Variants in CNTNAP3B observed in about 807,000 individuals in gnomAD.
CNTNAP3B encodes the protein contactin-associated protein-like 3B.
A neutral mutation model predicts 108.9 loss-of-function variants in CNTNAP3B; 25 were observed. The observed-to-expected ratio is 0.23, with a 90% CI of 0.17 to 0.32. The LOEUF is 0.32. CNTNAP3B is among the 10% of genes least tolerant of loss of function. The pLI is 1.00. For synonymous variants in CNTNAP3B, 103 were observed against 473.4 expected (o/e 0.22, Z 10.16); for missense variants, 252 against 1,210.4 (o/e 0.21, Z 11.75).
intron 13 of CNTNAP3B, among the ~76,000 whole-genome samples, chr9:41,940,066 C>G (rs1210634041): frequency 6.6e-6 from 1 of 152,294 alleles, no homozygotes; most frequent in Non-Finnish European, 1.5e-5. Context: ...TAGGCTTTAT[C>G]TAACCTGACC....
intron 3 of CNTNAP3B, among the ~76,000 whole-genome samples, chr9:42,064,691 T>G (rs1039157268): frequency 1.5e-5 from 2 of 129,724 alleles, no homozygotes; most frequent in Non-Finnish European, 3.2e-5. Context: ...TACTTACAAG[T>G]GCAAACATGC....
chr9:41,952,454 G>A (rs1267808852), intron 13 of CNTNAP3B, among the ~76,000 whole-genome samples: 2 of 152,206 alleles, frequency 1.3e-5, no homozygotes, highest in Non-Finnish European at 2.9e-5. Flanking sequence ...ACTATAATTA[G>A]CAATAAAGTG....
intron 2 of CNTNAP3B, among the ~76,000 whole-genome samples, chr9:42,090,001 AG>A (rs2118663636): frequency 7.2e-6 from 1 of 139,174 alleles, no homozygotes; most frequent in Admixed American, 7.2e-5. Flanking sequence ...ACAGAAAAAG[AG>A]GGCAAAATAC....
At chr9:41,923,144 GTACCCATAGCTGGAC>G (rs1437483643) in intron 16 of CNTNAP3B, among the ~76,000 whole-genome samples, 1 of 133,818 alleles carries the variant, frequency 7.5e-6, no homozygotes, top group Non-Finnish European at 1.6e-5. Flanking sequence ...GTAGAGATAT[GTACCCATAGCTGGAC>G]TACCCATAGC....
At chr9:41,935,515 T>G (rs994749591) in intron 14 of CNTNAP3B, among the ~76,000 whole-genome samples, 1 of 152,294 alleles carries the variant, frequency 6.6e-6, no homozygotes, top group Non-Finnish European at 1.5e-5. Context: ...ATTATTACAA[T>G]TATAAATCTT....
At chr9:42,078,487 A>T (rs1262636810) in intron 2 of CNTNAP3B, among the ~76,000 whole-genome samples, 5 of 138,814 alleles carry the variant, frequency 3.6e-5, no homozygotes, top group African/African-American at 1.4e-4. Flanking sequence ...ATATATATAA[A>T]TATAATTTTT....
chr9:42,002,929 C>T, intron 4 of CNTNAP3B, among the ~76,000 whole-genome samples: 1 of 127,964 alleles, frequency 7.8e-6, no homozygotes, highest in Non-Finnish European at 1.6e-5. Flanking sequence ...CTCCGTTGCC[C>T]ATGCTGTAGT....
chr9:41,962,289 G>T (rs1825122357), intron 11 of CNTNAP3B, among the ~76,000 whole-genome samples: 1 of 152,270 alleles, frequency 6.6e-6, no homozygotes, highest in African/African-American at 2.4e-5. Context: ...CACAGTGAAT[G>T]ACTGTGGGCT....
intron 7 of CNTNAP3B, chr9:41,994,042 C>T: frequency 7.2e-6 from 1 of 139,678 alleles, no homozygotes; most frequent in Non-Finnish European, 1.5e-5. Context: ...ATCAGCGAAC[C>T]CATCAGTAAT....
chr9:42,020,631 T>C (rs1826295210), intron 3 of CNTNAP3B, among the ~76,000 whole-genome samples: 1 of 148,774 alleles, frequency 6.7e-6, no homozygotes, highest in Non-Finnish European at 1.5e-5. Flanking sequence ...GGAGAATAAA[T>C]GTCTGCTGTG....
At chr9:41,920,968 G>A (rs1235865045) in intron 17 of CNTNAP3B, among the ~76,000 whole-genome samples, 1 of 152,300 alleles carries the variant, frequency 6.6e-6, no homozygotes, top group Non-Finnish European at 1.5e-5. Context: ...ACCATTTAGA[G>A]AGGTTTACAA....
intron 2 of CNTNAP3B, among the ~76,000 whole-genome samples, chr9:42,103,367 T>C (rs1277963555): frequency 1.4e-5 from 2 of 142,808 alleles, no homozygotes; most frequent in Non-Finnish European, 3.0e-5. Context: ...CAATGTGCAA[T>C]GCATTAAATG....
chr9:42,019,870 G>GA (rs1374863681), intron 3 of CNTNAP3B, among the ~76,000 whole-genome samples: 1 of 128,420 alleles, frequency 7.8e-6, no homozygotes, highest in African/African-American at 3.1e-5. Flanking sequence ...AGAAATGTTA[G>GA]AAAATAAATG....
At position 41,953,290 on chromosome 9, in the gene CNTNAP3B, G is replaced by C; in HGVS notation, c.1973C>G (p.Ala658Gly). The C allele has an allele frequency of 4.6e-6, 7 of 1,530,680 alleles. No individual in the cohort carries two copies. Among genetic ancestry groups the C allele is most frequent in the Non-Finnish European group, 6.1e-6 (7 of 1,147,368 alleles). The allele number at this position is 1,530,680 out of a possible 1,614,324, so 94.8% of individuals were successfully genotyped here. ...SGHPLSAVSF[A>G]YAAGAGQLRA... is the part of the protein sequence containing the mutation. The stretch of plus-strand genomic sequence containing the variant: ...CAGCTGCCCCGCGCCCGCTGCGTAC[G>C]CGAAGGACACAGCCGAGAGCGGGTG... Residue 658 changes from alanine to glycine, a missense_variant, in exon 13 of 24, where the codon GCG becomes GGG. By Grantham distance (60) the Ala-to-Gly change is moderately conservative. Coordinates refer to ENST00000377561, the MANE Select transcript of CNTNAP3B (RefSeq NM_001201380.3).
intron 18 of CNTNAP3B, among the ~76,000 whole-genome samples, chr9:41,915,710 G>GTT (rs1193879201): frequency 6.6e-5 from 9 of 136,620 alleles, no homozygotes; most frequent in Admixed American, 5.8e-4. Context: ...TTTGTTAAAT[G>GTT]TTTTTTTTTT....
intron 18 of CNTNAP3B, among the ~76,000 whole-genome samples, chr9:41,917,453 G>A (rs1033585317): frequency 9.9e-5 from 14 of 141,694 alleles, no homozygotes; most frequent in Admixed American, 9.1e-4. Flanking sequence ...ACCAAGCTGT[G>A]TATTTTCATG....
At chr9:41,956,403 A>G (rs1824860531) in intron 12 of CNTNAP3B, among the ~76,000 whole-genome samples, 1 of 152,238 alleles carries the variant, frequency 6.6e-6, no homozygotes, top group Non-Finnish European at 1.5e-5. Context: ...TAATAATAAT[A>G]AAATAATAGT....
chr9:41,929,801 T>C (rs1209964841), intron 14 of CNTNAP3B, among the ~76,000 whole-genome samples: 5 of 148,302 alleles, frequency 3.4e-5, no homozygotes, highest in Non-Finnish European at 6.0e-5. Flanking sequence ...AAATATTCTT[T>C]TTATTTTTCA....
At chr9:42,116,013 A>G (rs1172156797) in intron 1 of CNTNAP3B, among the ~76,000 whole-genome samples, 2 of 139,312 alleles carry the variant, frequency 1.4e-5, no homozygotes, top group Non-Finnish European at 3.1e-5. Flanking sequence ...AACAGCGTAG[A>G]GAAGACCTTA....
Sources: gnomAD v4.1 joint callset for allele counts (sites outside exome capture counted in the v4.1 genomes callset) on GRCh38, gnomAD v4.1.1 for gene constraint, MANE v1.5 for transcripts, NCBI Gene and HGNC (gene_info 2026-07-23, HGNC 2026-07-21) for gene names.